The following ARFGEF2 variants were observed in gnomAD, a reference collection of about 807,000 sequenced individuals.
ARFGEF2 encodes ARF guanine nucleotide exchange factor 2, also known as brefeldin A-inhibited guanine nucleotide-exchange protein 2.
ARFGEF2 carries 74 observed loss-of-function variants against 219.9 expected under a neutral mutation model. That is an observed-to-expected ratio of 0.34 (90% CI 0.28 to 0.41). The LOEUF (loss-of-function observed/expected upper bound fraction) is 0.41, where lower values mean the gene tolerates loss of function less well. ARFGEF2 is among the 10% of genes least tolerant of loss of function. The probability of loss-of-function intolerance (pLI) is 1.00; values close to 1 mark genes in which losing one functional copy is unlikely to be tolerated. For synonymous variants in ARFGEF2, 733 were observed against 799.2 expected, an observed-to-expected ratio of 0.92 and a Z score of 1.40; for missense variants, 1,743 against 2,218.3, an observed-to-expected ratio of 0.79 and a Z score of 4.30.
At chr20:48,930,300 AG>A (rs2090905075) in intron 1 of ARFGEF2, among the ~76,000 whole-genome samples, 1 of 152,170 alleles carries the variant, frequency 6.6e-6, no homozygotes, top group South Asian at 2.1e-4. Context: ...CACTTCTTAA[AG>A]GCTCCACTCT....
chr20:49,032,567 A>C (rs749615449), intron 38 of ARFGEF2, among the ~76,000 whole-genome samples: 14 of 152,212 alleles, frequency 9.2e-5, no homozygotes, highest in Middle Eastern at 3.4e-3. Context: ...TAACTGAAAG[A>C]AGCTTTAATT....
intron 35 of ARFGEF2, among the ~76,000 whole-genome samples, chr20:49,024,537 C>T (rs1429023552): frequency 1.3e-5 from 2 of 152,114 alleles, no homozygotes; most frequent in Non-Finnish European, 2.9e-5. Context: ...TAGCCAAAAT[C>T]AAGATTTTTT....
At chr20:48,937,219 C>G (rs1809402396) in intron 1 of ARFGEF2, among the ~76,000 whole-genome samples, 1 of 152,198 alleles carries the variant, frequency 6.6e-6, no homozygotes, top group African/African-American at 2.4e-5. Context: ...GGTTTCCCTG[C>G]TTCTGTCCTG....
intron 6 of ARFGEF2, among the ~76,000 whole-genome samples, chr20:48,960,836 T>C (rs73611310): frequency 1.3e-5 from 2 of 149,690 alleles, no homozygotes; most frequent in African/African-American, 4.9e-5. Flanking sequence ...AATCCCAGCA[T>C]TTTGGGAGGC....
Position 48,998,357 on chromosome 20 carries a change from G to A in ARFGEF2, c.3284G>A (p.Cys1095Tyr). The A allele has an allele frequency of 6.2e-7, 1 of 1,614,146 alleles. No individual in the cohort carries two copies. Among genetic ancestry groups the A allele is most frequent in the East Asian group, 2.2e-5 (1 of 44,878 alleles). ...GTAGTTGACTTTGTCCGCTGGCTGT[G>A]TGCTGTGTCCATGGATGAACTGGCT... ...NAIVDFVRWL[C>Y]AVSMDELASP... The change falls in exon 25 of 39, where the codon TGT (cysteine) becomes TAT (tyrosine). Residue 1095 changes from cysteine to tyrosine, a missense_variant. Physicochemically the swap from Cys to Tyr is radical, Grantham distance 194. Transcript: ENST00000371917.
chr20:48,963,741 T>G (rs1350443912), intron 6 of ARFGEF2, 89 bp from the exon 7 acceptor site: 2 of 1,322,828 alleles, frequency 1.5e-6, no homozygotes, highest in Admixed American at 1.8e-5. Flanking sequence ...CCTTCTGAAA[T>G]GTAACTCCCC....
rs147582953 is a variant in ARFGEF2 at position 49,005,203 on chromosome 20, A to G, written c.3566A>G (p.His1189Arg). ...AAAGATTTTCTGAGGCCCTTTGAGCATATTATGAAGAAAAACAGGTATGTG... is the reference window on the plus strand; with the variant it reads ...AAAGATTTTCTGAGGCCCTTTGAGCGTATTATGAAGAAAAACAGGTATGTG... ...FQKDFLRPFE[H>R]IMKKNRSPTI... The change falls in exon 26 of 39, where the codon CAT (histidine) becomes CGT (arginine). Residue 1189 changes from histidine (H) to arginine (R), a missense_variant. Physicochemically the swap from His to Arg is conservative, Grantham distance 29. This residue lies in a region of ARFGEF2 where 102 missense variants were observed against 146.8 expected (regional missense o/e 0.69). Coordinates refer to ENST00000371917, the MANE Select transcript of ARFGEF2 (RefSeq NM_006420.3). 7 of 1,614,092 alleles carry G rather than the reference A, an allele frequency of 4.3e-6. No homozygotes were observed. In the African/African-American group the frequency reaches 8.0e-5, roughly 18 times the overall value.
At chr20:48,932,423 G>A (rs1038485136) in intron 1 of ARFGEF2, among the ~76,000 whole-genome samples, 1 of 152,162 alleles carries the variant, frequency 6.6e-6, no homozygotes, top group East Asian at 1.9e-4. Flanking sequence ...TTACTGGGCA[G>A]CATTTCAGGT....
rs948228043 is a variant in ARFGEF2, at chr20:49,016,447, TTACA to T, written c.4315+35_4315+38del. On this transcript the variant is annotated intron_variant, in intron 31 of 38. Transcript: ENST00000371917. Reference sequence around the variant, plus strand: ...TTTAAGCCTCTAGGCATCATTTTTCTTACATAGTCTTTAATGAGAGGTTAGTTTT... The same window carrying T: ...TTTAAGCCTCTAGGCATCATTTTTCTTAGTCTTTAATGAGAGGTTAGTTTT... The T allele has an allele frequency of 6.2e-6, 10 of 1,606,052 alleles. No homozygotes were observed. The Admixed American group carries it at 1.2e-4, about 19-fold the overall frequency.
Position 48,995,767 on chromosome 20 carries a change from G to A in ARFGEF2, c.3122-16G>A, listed in dbSNP as rs1453059251. On this transcript the variant is annotated splice_polypyrimidine_tract_variant and intron_variant, in intron 22 of 38. Transcript: ENST00000371917. Reference sequence around the variant, plus strand: ...CTGTTTTTGAAGTACTGCTGATTTTGTGCATTGTGTTTCAGGTAATTTGGT... The same window carrying A: ...CTGTTTTTGAAGTACTGCTGATTTTATGCATTGTGTTTCAGGTAATTTGGT... The A allele has an allele frequency of 6.2e-7, 1 of 1,610,564 alleles. No individual in the cohort carries two copies. Among genetic ancestry groups the A allele is most frequent in the Non-Finnish European group, 8.5e-7 (1 of 1,176,798 alleles).
At chr20:48,994,373 A>T in intron 21 of ARFGEF2, 78 bp from the exon 22 acceptor site, 3 of 1,586,154 alleles carry the variant, frequency 1.9e-6, no homozygotes, top group Non-Finnish European at 1.7e-6. Context: ...CTTTTTTTTA[A>T]TGACTAACTT....
intron 8 of ARFGEF2, among the ~76,000 whole-genome samples, chr20:48,968,642 G>A (rs1025674376): frequency 1.3e-5 from 2 of 152,152 alleles, no homozygotes; most frequent in African/African-American, 2.4e-5. Flanking sequence ...GATTACAGGC[G>A]TGAGCCATTC....
chr20:49,006,658 C>A (rs554492803), intron 26 of ARFGEF2, among the ~76,000 whole-genome samples: 3 of 152,286 alleles, frequency 2.0e-5, no homozygotes, highest in Non-Finnish European at 4.4e-5. Flanking sequence ...GCTGCCTTGG[C>A]ATGAGAATTA....
chr20:48,993,994 G>A (rs1367763412), intron 21 of ARFGEF2, among the ~76,000 whole-genome samples: 2 of 152,172 alleles, frequency 1.3e-5, no homozygotes, highest in Non-Finnish European at 2.9e-5. Context: ...AGTATGAGCA[G>A]GACATGGTAA....
intron 6 of ARFGEF2, among the ~76,000 whole-genome samples, chr20:48,961,828 C>T (rs1021633421): frequency 5.4e-5 from 8 of 148,666 alleles, no homozygotes; most frequent in Non-Finnish European, 1.5e-5. Flanking sequence ...CGTGTCACTG[C>T]ACTCCAACCT....
rs567077435 is a variant in ARFGEF2, at chr20:48,992,789, T to C, written c.2973+1591T>C. 1.7e-3 allele frequency among the ~76,000 whole-genome samples: 260 copies of C among 152,344 alleles called. 1 individual carries two copies. Among genetic ancestry groups the C allele is most frequent in the African/African-American group, 6.0e-3 (249 of 41,570 alleles). On this transcript the variant is annotated intron_variant, in intron 21 of 38. Coordinates refer to ENST00000371917, the MANE Select transcript of ARFGEF2 (RefSeq NM_006420.3). ...TGGGCACAGTGGCTCACACCTGTAA[T>C]CCCAGAACTTTTGGAGGTTGAGGCA...
intron 16 of ARFGEF2, among the ~76,000 whole-genome samples, chr20:48,987,865 G>A (rs1207433493): frequency 1.3e-5 from 2 of 152,112 alleles, no homozygotes; most frequent in Admixed American, 6.6e-5. Context: ...TCAGCTCACT[G>A]CAACCTCCAC....
intron 15 of ARFGEF2, 44 bp from the exon 16 acceptor site, chr20:48,985,364 C>T (rs746777936): frequency 6.9e-6 from 11 of 1,602,510 alleles, no homozygotes; most frequent in Admixed American, 1.7e-5. Context: ...GCTGAGGGTT[C>T]GTATTTGACA....
intron 35 of ARFGEF2, among the ~76,000 whole-genome samples, chr20:49,025,102 C>T (rs2091593646): frequency 6.6e-6 from 1 of 152,182 alleles, no homozygotes; most frequent in African/African-American, 2.4e-5. Flanking sequence ...CTTTGGCCAG[C>T]CAAGCCTGCC....
Sources: allele counts gnomAD v4.1 joint callset (sites outside exome capture counted in the v4.1 genomes callset), GRCh38; gene constraint gnomAD v4.1.1; regional missense constraint gnomAD v4.1.1; transcripts MANE v1.5; gene names NCBI Gene and HGNC (gene_info 2026-07-23, HGNC 2026-07-21).